The following RYR2 variants were observed in gnomAD, a reference collection of about 807,000 sequenced individuals.
RYR2 encodes the protein cardiac muscle ryanodine receptor-calcium release channel.
RYR2 carries 227 observed loss-of-function variants against 601.1 expected under a neutral mutation model. The ratio of observed to expected loss-of-function variants is 0.38; its 90% confidence interval spans 0.34 to 0.42. The LOEUF is 0.42. Ranked by LOEUF, RYR2 falls within the 10% of genes least tolerant of loss-of-function variation. RYR2 has a pLI of 1.00. For missense variants in RYR2, 4,646 were observed against 6,156.5 expected (o/e 0.75, Z 8.21); for synonymous variants, 2,223 against 2,175.1 (o/e 1.02, Z -0.61).
intron 25 of RYR2, among the ~76,000 whole-genome samples, chr1:237,546,985 A>ATT (rs71802424): frequency 0.014 from 1,735 of 120,522 alleles, 35 homozygotes; most frequent in South Asian, 0.051. Flanking sequence ...GCATATATAT[A>ATT]TATATATATA....
At chr1:237,809,429 T>C (rs1040575304) in intron 100 of RYR2, among the ~76,000 whole-genome samples, 2 of 152,224 alleles carry the variant, frequency 1.3e-5, no homozygotes, top group Non-Finnish European at 2.9e-5. Flanking sequence ...AATATATCTC[T>C]TCCTAGAACT....
chr1:237,528,398 T>A (rs1473713770), intron 24 of RYR2, among the ~76,000 whole-genome samples: 1 of 152,174 alleles, frequency 6.6e-6, no homozygotes, highest in Non-Finnish European at 1.5e-5. Flanking sequence ...GTACTATCTG[T>A]GGGGTTCAGG....
chr1:237,127,717 C>T lies in RYR2; in HGVS notation c.48+85148C>T, dbSNP rs567776417. On this transcript the variant is annotated intron_variant, in intron 1 of 104. Transcript: ENST00000366574. ...CTCACCTCCCAGACGGGGTCGCGGC[C>T]GGGCAGAGGTGCTCCTCACATCCCA... is the stretch of plus-strand genomic sequence containing the variant. Among the ~76,000 whole-genome samples, 573 of 149,230 alleles carry T rather than the reference C, an allele frequency of 3.8e-3. 8 individuals carry two copies. The highest frequency in any genetic ancestry group is 0.033 in the Admixed American group (491 of 15,054).
At chr1:237,754,305 A>G (rs1030990763) in intron 80 of RYR2, among the ~76,000 whole-genome samples, 1 of 152,156 alleles carries the variant, frequency 6.6e-6, no homozygotes, top group African/African-American at 2.4e-5. Flanking sequence ...TGGTCCTTGT[A>G]AGGTTCATAC....
chr1:237,712,049 A>T (rs1688885526), intron 71 of RYR2, among the ~76,000 whole-genome samples: 1 of 152,116 alleles, frequency 6.6e-6, no homozygotes, highest in Non-Finnish European at 1.5e-5. Flanking sequence ...AATGACTGTC[A>T]TGAAGGAAGA....
chr1:237,248,295 C>CA (rs1488600232), intron 1 of RYR2, among the ~76,000 whole-genome samples: 1 of 107,900 alleles, frequency 9.3e-6, no homozygotes, highest in South Asian at 4.4e-4. Flanking sequence ...CCCCCCCCCC[C>CA]CCCCAAAAAT....
At chr1:237,301,576 A>G (rs1222884858) in intron 2 of RYR2, among the ~76,000 whole-genome samples, 1 of 152,288 alleles carries the variant, frequency 6.6e-6, no homozygotes, top group East Asian at 1.9e-4. Context: ...CTTCTTTAAG[A>G]TATTTCTCCT....
chr1:237,786,348 G>C (rs575508639), intron 91 of RYR2, among the ~76,000 whole-genome samples: 23 of 152,232 alleles, frequency 1.5e-4, no homozygotes, highest in Non-Finnish European at 3.2e-4. Flanking sequence ...AGAGGACTCA[G>C]GGCCACAATT....
intron 1 of RYR2, among the ~76,000 whole-genome samples, chr1:237,217,508 A>G (rs1683319330): frequency 6.6e-6 from 1 of 152,122 alleles, no homozygotes; most frequent in African/African-American, 2.4e-5. Context: ...CAGCTGTGTG[A>G]CCCCAGACTT....
intron 8 of RYR2, 79 bp downstream of exon 8, chr1:237,377,514 A>G (rs948435743): frequency 2.9e-6 from 3 of 1,030,526 alleles, no homozygotes; most frequent in Non-Finnish European, 4.4e-6. Context: ...TAAGGTTTAT[A>G]TTGTAAATTA....
chr1:237,359,885 C>T (rs777777054), intron 4 of RYR2, among the ~76,000 whole-genome samples: 4 of 152,126 alleles, frequency 2.6e-5, no homozygotes, highest in African/African-American at 4.8e-5. Flanking sequence ...CCATTGGTTT[C>T]CAATGTGGAG....
Position 237,672,003 on chromosome 1 carries a change from G to T in RYR2, c.8591-2093G>T, listed in dbSNP as rs573651132. Among the ~76,000 whole-genome samples, 132 of 152,176 alleles carry T rather than the reference G, an allele frequency of 8.7e-4. 1 individual carries two copies. Among genetic ancestry groups the T allele is most frequent in the African/African-American group, 3.0e-3 (125 of 41,508 alleles). ...GTTTGGTAATATCCTCAGAGTTACT[G>T]CTCACTCATTTACCTCTCCATGTAG... On this transcript the variant is annotated intron_variant, in intron 58 of 104. Coordinates refer to ENST00000366574, the MANE Select transcript of RYR2 (RefSeq NM_001035.3).
At chr1:237,613,211 G>C (rs1559113873) in intron 36 of RYR2, among the ~76,000 whole-genome samples, 1 of 152,212 alleles carries the variant, frequency 6.6e-6, no homozygotes, top group Non-Finnish European at 1.5e-5. Context: ...ATTTATGTCA[G>C]TGTGTACTTT....
intron 100 of RYR2, among the ~76,000 whole-genome samples, chr1:237,811,513 T>G (rs553547237): frequency 3.9e-5 from 6 of 152,220 alleles, no homozygotes; most frequent in Non-Finnish European, 8.8e-5. Flanking sequence ...AGCATTTTGT[T>G]CTCTTCCCAA....
At chr1:237,554,638 G>A (rs1448965387) in intron 27 of RYR2, among the ~76,000 whole-genome samples, 3 of 151,816 alleles carry the variant, frequency 2.0e-5, no homozygotes, top group African/African-American at 7.2e-5. Flanking sequence ...AAGGTATTTT[G>A]TTATGAATTC....
At chr1:237,096,863 G>A (rs1037461237) in intron 1 of RYR2, among the ~76,000 whole-genome samples, 55 of 152,174 alleles carry the variant, frequency 3.6e-4, no homozygotes, top group African/African-American at 1.3e-3. Flanking sequence ...GTGTCCAGGA[G>A]AGCTTGCCTC....
At chr1:237,755,176 G>T in intron 80 of RYR2, 1 of 1,057,438 alleles carries the variant, frequency 9.5e-7, no homozygotes, top group Non-Finnish European at 1.2e-6. Flanking sequence ...TTTTTCATTT[G>T]TTTGAGCCCA....
chr1:237,105,159 T>C (rs1299174424), intron 1 of RYR2, among the ~76,000 whole-genome samples: 1 of 152,010 alleles, frequency 6.6e-6, no homozygotes, highest in Non-Finnish European at 1.5e-5. Flanking sequence ...TCACCTTACG[T>C]TTGGGGAAGG....
chr1:237,404,540 T>C (rs1284172167), intron 10 of RYR2, among the ~76,000 whole-genome samples: 2 of 152,126 alleles, frequency 1.3e-5, no homozygotes, highest in East Asian at 3.9e-4. Flanking sequence ...AGGACAAATA[T>C]TAAGAAGACC....
Sources: gnomAD v4.1 joint callset for allele counts (sites outside exome capture counted in the v4.1 genomes callset) on GRCh38, gnomAD v4.1.1 for gene constraint, MANE v1.5 for transcripts, NCBI Gene and HGNC (gene_info 2026-07-23, HGNC 2026-07-21) for gene names.